The following ACTN2 variants were observed in gnomAD, a reference collection of about 807,000 sequenced individuals.
ACTN2 encodes the protein alpha-actinin-2.
In ACTN2, 39 loss-of-function variants were observed where a neutral mutation model predicts 113.8. The observed-to-expected ratio is 0.34, with a 90% CI of 0.27 to 0.45. The LOEUF is 0.45. Ranked by LOEUF, ACTN2 falls within the 20% of genes least tolerant of loss-of-function variation. ACTN2 has a pLI of 1.00. For synonymous variants in ACTN2, 429 were observed against 444.1 expected, an observed-to-expected ratio of 0.97 and a Z score of 0.43; for missense variants, 992 against 1,177.9, an observed-to-expected ratio of 0.84 and a Z score of 2.31.
At chr1:236,736,123 G>T (rs1184275223) in intron 8 of ACTN2, among the ~76,000 whole-genome samples, 1 of 152,196 alleles carries the variant, frequency 6.6e-6, no homozygotes, top group Non-Finnish European at 1.5e-5. Flanking sequence ...CCGTGATTTG[G>T]TCTAACATCC....
At chr1:236,759,869 A>C (rs985915436) in intron 19 of ACTN2, 80 bp downstream of exon 19, 2 of 1,362,406 alleles carry the variant, frequency 1.5e-6, no homozygotes, top group African/African-American at 2.9e-5. Flanking sequence ...GACAAGCTCA[A>C]ACCAAGGTAG....
chr1:236,762,322 G>A (rs898048100), intron 20 of ACTN2, 139 bp from the exon 21 acceptor site: 6 of 1,157,166 alleles, frequency 5.2e-6, no homozygotes, highest in Middle Eastern at 5.7e-4. Context: ...TGGTTGTCTG[G>A]TACTACTATG....
Position 236,713,226 on chromosome 1 carries a change from C to CTT in ACTN2, c.127-4620_127-4619dup, listed in dbSNP as rs60295974. Reference sequence around the variant, plus strand: ...TAGGTTATATATATTGTTCTTTTTTCTTTTTTTTTTTTTCTTTTGAGACGG... The same window carrying CTT: ...TAGGTTATATATATTGTTCTTTTTTCTTTTTTTTTTTTTTTCTTTTGAGACGG... On this transcript the variant is annotated intron_variant, in intron 1 of 20. Coordinates refer to ENST00000366578, the MANE Select transcript of ACTN2 (RefSeq NM_001103.4). Among the ~76,000 whole-genome samples, 109 of 144,048 alleles carry CTT rather than the reference C, an allele frequency of 7.6e-4. 2 individuals carry two copies. The highest frequency in any genetic ancestry group is 1.5e-3 in the South Asian group (7 of 4,590). 94.5% of individuals were successfully genotyped at this position (144,048 alleles called of 152,430 possible).
chr1:236,699,152 T>G (rs546990512), intron 1 of ACTN2, among the ~76,000 whole-genome samples: 114 of 152,342 alleles, frequency 7.5e-4, no homozygotes, highest in African/African-American at 2.6e-3. Flanking sequence ...AAACTTTATC[T>G]GTTTTTGTTG....
intron 1 of ACTN2, among the ~76,000 whole-genome samples, chr1:236,707,779 T>A (rs1431644712): frequency 7.0e-6 from 1 of 143,848 alleles, no homozygotes; most frequent in African/African-American, 2.6e-5. Context: ...TGGCACCATC[T>A]TGGCTCACTG....
rs397516578 is a variant in ACTN2 at position 236,762,610 on chromosome 1, C to T, written c.2676C>T (p.Ser892=). ...AAFSSALYGE[S]DL is the part of the protein sequence containing the mutation. The stretch of plus-strand genomic sequence containing the variant: ...TCTCTTCCGCACTCTACGGGGAGAG[C>T]GATCTGTGATGCTGAGCTTCTGTAA... Residue 892 remains serine, a synonymous_variant, in exon 21 of 21, where the codon AGC becomes AGT. Transcript: ENST00000366578. 50 of 1,613,720 alleles carry T rather than the reference C, an allele frequency of 3.1e-5. 2 individuals carry two copies. The highest frequency in any genetic ancestry group is 2.4e-4 in the South Asian group (22 of 91,054).
At position 236,753,948 on chromosome 1, in the gene ACTN2, T is replaced by C. The variant is rs1450696609; in HGVS notation, c.1841T>C (p.Val614Ala). ...MDELRTKWDK[V>A]KQLVPIRDQS... ...CTTGTTGTCCTTGGGCCCTGACAGG[T>C]GAAGCAACTCGTGCCCATCCGCGAT... Residue 614 changes from valine to alanine, a missense_variant and splice_region_variant, in exon 16 of 21, where the codon GTG becomes GCG. By Grantham distance (64) the Val-to-Ala change is moderately conservative (BLOSUM62 0). This residue lies in a region of ACTN2 where 736 missense variants were observed against 815.4 expected (regional missense o/e 0.90). Transcript: ENST00000366578. 4.3e-6 allele frequency: 7 copies of C among 1,609,444 alleles called. No homozygotes were observed. The highest frequency in any genetic ancestry group is 5.9e-6 in the Non-Finnish European group (7 of 1,178,314).
chr1:236,728,446 C>T (rs1271624652), intron 6 of ACTN2, among the ~76,000 whole-genome samples: 1 of 152,158 alleles, frequency 6.6e-6, no homozygotes, highest in Non-Finnish European at 1.5e-5. Context: ...CCCGGCCCAT[C>T]CAAGCCTTTT....
intron 10 of ACTN2, 35 bp downstream of exon 10, chr1:236,739,567 G>A (rs755864898): frequency 2.2e-5 from 36 of 1,605,804 alleles, no homozygotes; most frequent in Non-Finnish European, 2.6e-5. Context: ...CTGGCGCCAC[G>A]GGAAGCCCTC....
intron 8 of ACTN2, chr1:236,736,754 T>A: frequency 1.1e-6 from 1 of 886,252 alleles, no homozygotes; most frequent in Non-Finnish European, 1.7e-6. Flanking sequence ...CCCATCGTCA[T>A]GAGATCAGTG....
At chr1:236,696,787 T>G (rs557299697) in intron 1 of ACTN2, among the ~76,000 whole-genome samples, 1 of 151,680 alleles carries the variant, frequency 6.6e-6, no homozygotes, top group Non-Finnish European at 1.5e-5. Flanking sequence ...TACCTCAGCC[T>G]CCTGAGTAGC....
intron 15 of ACTN2, 113 bp from the exon 16 acceptor site, chr1:236,753,834 C>T (rs1659470036): frequency 8.1e-7 from 1 of 1,229,778 alleles, no homozygotes; most frequent in Non-Finnish European, 1.2e-6. Flanking sequence ...CTCCTCCCTT[C>T]GTTTCTCCTT....
intron 1 of ACTN2, among the ~76,000 whole-genome samples, chr1:236,698,208 C>A (rs1657574546): frequency 8.4e-6 from 1 of 118,636 alleles, no homozygotes; most frequent in African/African-American, 3.2e-5. Context: ...CTTTATTGAA[C>A]ATTTGTAAGA....
At chr1:236,704,527 C>G (rs370954462) in intron 1 of ACTN2, among the ~76,000 whole-genome samples, 2 of 152,164 alleles carry the variant, frequency 1.3e-5, no homozygotes, top group African/African-American at 2.4e-5. Context: ...AATGACCAAC[C>G]AACTTAAAAT....
At chr1:236,737,037 C>A in intron 8 of ACTN2, 85 bp from the exon 9 acceptor site, 1 of 1,148,962 alleles carries the variant, frequency 8.7e-7, no homozygotes, top group Admixed American at 1.9e-5. Flanking sequence ...CCCTCCTCGT[C>A]CCCTCTCATC....
rs67318171 is a variant in ACTN2 at position 236,737,298 on chromosome 1, C to CATATATATATATATATAT, written c.876+87_876+104dup. ...AGGGTGAAAAAATACTCCGTGGGGG[C>CATATATATATATATATAT]ATATATATATATATATATATTTTGC... On this transcript the variant is annotated intron_variant, in intron 9 of 20. Transcript: ENST00000366578. The CATATATATATATATATAT allele has an allele frequency of 4.4e-5, 15 of 344,288 alleles. 1 individual carries two copies. The highest frequency in any genetic ancestry group is 2.5e-4 in the African/African-American group (10 of 39,672). The allele number at this position is 344,288 out of a possible 1,614,324, so 21.3% of individuals were successfully genotyped here.
At chr1:236,715,811 C>G (rs1295336490) in intron 1 of ACTN2, among the ~76,000 whole-genome samples, 1 of 152,154 alleles carries the variant, frequency 6.6e-6, no homozygotes, top group Admixed American at 6.5e-5. Flanking sequence ...CAAAAATCAG[C>G]TAGGTGTGGT....
At chr1:236,705,403 T>C (rs1224523614) in intron 1 of ACTN2, among the ~76,000 whole-genome samples, 1 of 152,190 alleles carries the variant, frequency 6.6e-6, no homozygotes, top group East Asian at 1.9e-4. Flanking sequence ...TTCAACTCAT[T>C]AATGAGGAAA....
intron 6 of ACTN2, among the ~76,000 whole-genome samples, chr1:236,728,143 CTTTTTTTTT>C (rs11436295): frequency 3.3e-5 from 4 of 121,086 alleles, no homozygotes; most frequent in African/African-American, 1.2e-4. Flanking sequence ...TAGCCCAAGC[CTTTTTTTTT>C]TTTTTTTTTG....
Sources: gnomAD v4.1 joint callset for allele counts (sites outside exome capture counted in the v4.1 genomes callset) on GRCh38, gnomAD v4.1.1 for gene constraint, gnomAD v4.1.1 regional missense constraint, MANE v1.5 for transcripts, NCBI Gene and HGNC (gene_info 2026-07-23, HGNC 2026-07-21) for gene names.